SLC9C2: variants seen among roughly 807,000 people sequenced by gnomAD.
The protein encoded by SLC9C2 is sodium/hydrogen exchanger 11.
Under a neutral mutation model 140.2 loss-of-function variants are expected in SLC9C2, and 75 were observed. The ratio of observed to expected loss-of-function variants is 0.53; its 90% CI spans 0.44 to 0.65. SLC9C2 has a LOEUF of 0.65. SLC9C2 is among the 30% of genes least tolerant of loss of function. SLC9C2 has a pLI of 0.00. For synonymous variants in SLC9C2, 375 were observed against 420.9 expected (o/e 0.89, Z 1.34); for missense variants, 1,074 against 1,331.8 (o/e 0.81, Z 3.01).
At chr1:173,561,566 T>C (rs1014608119) in intron 9 of SLC9C2, among the ~76,000 whole-genome samples, 4 of 152,070 alleles carry the variant, frequency 2.6e-5, no homozygotes, top group African/African-American at 9.7e-5. Context: ...GTCAGAGAAA[T>C]GTGGGGTCCT....
intron 23 of SLC9C2, among the ~76,000 whole-genome samples, chr1:173,515,878 G>C (rs1005499818): frequency 6.6e-6 from 1 of 152,186 alleles, no homozygotes; most frequent in Non-Finnish European, 1.5e-5. Flanking sequence ...TGATGCTGTT[G>C]TTGTTGCTTT....
rs747666991 is a variant in SLC9C2, at chr1:173,548,516, A to G, written c.1334T>C (p.Leu445Ser). 6.2e-7 allele frequency: 1 copy of G among 1,613,822 alleles called. No homozygotes were observed. Among genetic ancestry groups the G allele is most frequent in the South Asian group, 1.1e-5 (1 of 91,076 alleles). Residue 445 changes from leucine to serine, a missense_variant, in exon 12 of 28, where the codon TTG becomes TCG. Coordinates refer to ENST00000367714, the MANE Select transcript of SLC9C2 (RefSeq NM_178527.4). ...CVLSLPRQMI[L>S]QNATQHIQEI... ...CTGTATGTGCTGAGTGGCATTTTGC[A>G]AGATCATTTGTCTTGGGAGGGAAAG...
chr1:173,509,121 G>GT (rs1227162199), intron 24 of SLC9C2, among the ~76,000 whole-genome samples: 1 of 152,020 alleles, frequency 6.6e-6, no homozygotes, highest in Non-Finnish European at 1.5e-5. Flanking sequence ...TAAGAGAGCA[G>GT]TTAAAATTCT....
Position 173,573,308 on chromosome 1 carries a change from G to GA in SLC9C2, c.919dup (p.Ser307PhefsTer5). On this transcript the variant is annotated frameshift_variant, in exon 9 of 28. Transcript: ENST00000367714. LOFTEE classifies it high-confidence loss of function. ...ATATATTAAATGTTCATATACAGAT[G>GA]AAAAAATTCTTAAGAACCTAGGATG... 2 of 1,523,716 alleles carry GA rather than the reference G, an allele frequency of 1.3e-6. No homozygotes were observed. Among genetic ancestry groups the GA allele is most frequent in the Non-Finnish European group, 1.8e-6 (2 of 1,121,158 alleles). The allele number at this position is 1,523,716 out of a possible 1,614,324, so 94.4% of individuals were successfully genotyped here.
chr1:173,579,117 T>C (rs539636448), intron 7 of SLC9C2, among the ~76,000 whole-genome samples: 57 of 152,278 alleles, frequency 3.7e-4, no homozygotes, highest in Middle Eastern at 3.4e-3. Flanking sequence ...TAATGCTAAA[T>C]TCCTACCTTC....
intron 13 of SLC9C2, among the ~76,000 whole-genome samples, chr1:173,546,243 G>A (rs956783898): frequency 1.3e-5 from 2 of 152,172 alleles, no homozygotes; most frequent in Admixed American, 6.6e-5. Flanking sequence ...GAAGAAATAT[G>A]TTCTTCAAGC....
chr1:173,548,970 T>G (rs535016822), intron 11 of SLC9C2, among the ~76,000 whole-genome samples: 1 of 152,198 alleles, frequency 6.6e-6, no homozygotes, highest in Non-Finnish European at 1.5e-5. Context: ...CTCTCATTGT[T>G]TCTTATACTG....
chr1:173,511,121 C>T (rs916143937), intron 23 of SLC9C2, among the ~76,000 whole-genome samples: 2 of 148,452 alleles, frequency 1.3e-5, no homozygotes, highest in South Asian at 2.1e-4. Flanking sequence ...GCAACCTCCA[C>T]CTCCTGGGTT....
chr1:173,567,179 G>C (rs1664526534), intron 9 of SLC9C2, among the ~76,000 whole-genome samples: 1 of 152,020 alleles, frequency 6.6e-6, no homozygotes, highest in Admixed American at 6.6e-5. Context: ...TATCTATAAG[G>C]TCTATTTGTT....
intron 14 of SLC9C2, 140 bp downstream of exon 14, chr1:173,536,790 AGGACAGACAGAT>A (rs1159763818): frequency 1.7e-6 from 1 of 601,392 alleles, no homozygotes; most frequent in Non-Finnish European, 2.9e-6. Context: ...GATGGATGGA[AGGACAGACAGAT>A]GGACAGACAG....
At chr1:173,522,930 C>T (rs1054167156) in intron 21 of SLC9C2, among the ~76,000 whole-genome samples, 1 of 152,198 alleles carries the variant, frequency 6.6e-6, no homozygotes, top group African/African-American at 2.4e-5. Flanking sequence ...CAAATGTCAC[C>T]TTATTAGAGC....
chr1:173,577,401 T>C (rs1665246820), intron 7 of SLC9C2, among the ~76,000 whole-genome samples: 1 of 152,244 alleles, frequency 6.6e-6, no homozygotes, highest in Non-Finnish European at 1.5e-5. Flanking sequence ...TTGTAATTTG[T>C]TGGGCTCTAA....
intron 27 of SLC9C2, among the ~76,000 whole-genome samples, chr1:173,502,236 G>A (rs930350103): frequency 4.9e-5 from 6 of 122,148 alleles, no homozygotes; most frequent in African/African-American, 2.0e-4. Context: ...TTGTGCCAAT[G>A]TACTCCAGCC....
At chr1:173,562,377 T>A (rs1664175061) in intron 9 of SLC9C2, among the ~76,000 whole-genome samples, 1 of 152,222 alleles carries the variant, frequency 6.6e-6, no homozygotes, top group African/African-American at 2.4e-5. Flanking sequence ...TCTCACAAAT[T>A]GTAGCTTTCA....
rs572981745 is a variant in SLC9C2 at position 173,564,927 on chromosome 1, G to A, written c.1047-7419C>T. 1.7e-3 allele frequency among the ~76,000 whole-genome samples: 258 copies of A among 149,380 alleles called. 1 individual carries two copies. The highest frequency in any genetic ancestry group is 6.2e-3 in the African/African-American group (251 of 40,748). On this transcript the variant is annotated intron_variant, in intron 9 of 27. Transcript: ENST00000367714. ...GCTGGGATTACAGGCGTGAGCCACC[G>A]TGCCTGGCCGGGTAGTTTTCTTTTT...
At chr1:173,517,453 C>G in intron 23 of SLC9C2, 84 bp downstream of exon 23, 1 of 1,382,464 alleles carries the variant, frequency 7.2e-7, no homozygotes, top group Non-Finnish European at 9.7e-7. Context: ...ACTAAGATGT[C>G]AAAACCCCAA....
At chr1:173,557,022 C>G (rs1663755610) in intron 10 of SLC9C2, among the ~76,000 whole-genome samples, 1 of 151,898 alleles carries the variant, frequency 6.6e-6, no homozygotes, top group Non-Finnish European at 1.5e-5. Flanking sequence ...TTTTATTGAG[C>G]ATCATCTCAA....
rs535826422 is a variant in SLC9C2, at chr1:173,530,005, C to T, written c.2213G>A (p.Arg738His). 99 of 1,613,086 alleles carry T rather than the reference C, an allele frequency of 6.1e-5. No individual in the cohort carries two copies. Among genetic ancestry groups the T allele is most frequent in the Admixed American group, 5.0e-4 (30 of 59,820 alleles). Reference sequence around the variant, plus strand: ...TGTAATACTATACATCAAGCTGAGGCGCTTTTTGATCTGCACATCTGCAAT... The same window carrying T: ...TGTAATACTATACATCAAGCTGAGGTGCTTTTTGATCTGCACATCTGCAAT... ...IRIADVQIKK[R>H]LSLMYSITKG... The change falls in exon 18 of 28, where the codon CGC (arginine) becomes CAC (histidine). Residue 738 changes from arginine (R) to histidine (H), a missense_variant. Transcript: ENST00000367714.
rs111542678 is a variant in SLC9C2, at chr1:173,517,032, T to C, written c.2907+505A>G. On this transcript the variant is annotated intron_variant, in intron 23 of 27. Coordinates refer to ENST00000367714, the MANE Select transcript of SLC9C2 (RefSeq NM_178527.4). ...CTGACTGGTGTGAGATGGTATCTCA[T>C]TGTGGTTTTGATTTGCATTTCTCTA... is the stretch of plus-strand genomic sequence containing the variant. 2.2e-4 allele frequency among the ~76,000 whole-genome samples: 33 copies of C among 152,350 alleles called. 1 individual carries two copies. The highest frequency in any genetic ancestry group is 7.2e-4 in the African/African-American group (30 of 41,574).
Sources: allele counts gnomAD v4.1 joint callset (sites outside exome capture counted in the v4.1 genomes callset), GRCh38; gene constraint gnomAD v4.1.1; transcripts MANE v1.5; gene names NCBI Gene and HGNC (gene_info 2026-07-23, HGNC 2026-07-21).